The following SORBS2 variants were observed in gnomAD, a reference collection of about 807,000 sequenced individuals.
The protein encoded by SORBS2 is sorbin and SH3 domain-containing protein 2.
A neutral mutation model predicts 97.7 loss-of-function variants in SORBS2; 46 were observed. The observed-to-expected ratio is 0.47, with a 90% CI of 0.37 to 0.60. SORBS2 has a LOEUF of 0.60. Among genes scored for constraint, SORBS2 ranks in the 20% least tolerant of loss-of-function variants. SORBS2 has a pLI of 0.00. For synonymous variants in SORBS2, 476 were observed against 473.4 expected, an observed-to-expected ratio of 1.01 and a Z score of -0.07; for missense variants, 1,316 against 1,282.3, an observed-to-expected ratio of 1.03 and a Z score of -0.40.
Position 185,607,345 on chromosome 4 carries a change from G to A in SORBS2, c.2796+4435C>T. On this transcript the variant is annotated intron_variant, in intron 12 of 14. Transcript: ENST00000418609. The surrounding 1 kb of genome is among the most constrained non-coding windows in gnomAD (Gnocchi z 5.2). ...GGGAGGAGGGGCTGGTTCACTGGAA[G>A]CCAACTTGGAAATGAGCACGGATTA... 1 of 1,286,624 alleles carries A rather than the reference G, an allele frequency of 7.8e-7. No homozygotes were observed. The highest frequency in any genetic ancestry group is 1.0e-6 in the Non-Finnish European group (1 of 986,966). 79.7% of individuals were successfully genotyped at this position (1,286,624 alleles called of 1,614,324 possible).
Position 185,755,433 on chromosome 4 carries a change from A to C in SORBS2, c.-198+19794T>G, listed in dbSNP as rs567706004. Among the ~76,000 whole-genome samples the C allele has an allele frequency of 5.9e-5, 9 of 152,324 alleles. No individual in the cohort carries two copies. In the East Asian group the frequency reaches 1.7e-3, roughly 29 times the overall value. On this transcript the variant is annotated intron_variant, in intron 2 of 20. Coordinates refer to the SORBS2 transcript ENST00000284776. ...GCTCCTTTAAACTATTTGGAGGTAA[A>C]AGACACAAGAAAATAATAGGCACCA...
At chr4:185,591,235 G>T (rs1055052079) in intron 13 of SORBS2, among the ~76,000 whole-genome samples, 2 of 152,122 alleles carry the variant, frequency 1.3e-5, no homozygotes, top group Non-Finnish European at 2.9e-5. Flanking sequence ...TGTTTTCCCT[G>T]GCCTGGCACC....
intron 1 of SORBS2, among the ~76,000 whole-genome samples, chr4:185,823,040 G>C (rs1323037549): frequency 6.6e-6 from 1 of 152,212 alleles, no homozygotes; most frequent in African/African-American, 2.4e-5. Flanking sequence ...TAGCTACTCT[G>C]TGTTTGCCTT....
At chr4:185,876,252 C>T (rs2099233600) in intron 1 of SORBS2, among the ~76,000 whole-genome samples, 1 of 152,116 alleles carries the variant, frequency 6.6e-6, no homozygotes, top group African/African-American at 2.4e-5. Flanking sequence ...GGATTACAGG[C>T]ATGTGCCACC....
chr4:185,632,764 A>G (rs2096929021), intron 4 of SORBS2, among the ~76,000 whole-genome samples: 1 of 152,238 alleles, frequency 6.6e-6, no homozygotes, highest in African/African-American at 2.4e-5. Flanking sequence ...AATAAAACAT[A>G]GTGTAAGAAC....
chr4:185,770,793 C>T (rs2098965597), intron 2 of SORBS2, among the ~76,000 whole-genome samples: 1 of 152,018 alleles, frequency 6.6e-6, no homozygotes, highest in African/African-American at 2.4e-5. Flanking sequence ...TTTTCTCTGA[C>T]AGTCAATTAA....
At chr4:185,608,822 C>T (rs1221544047) in intron 12 of SORBS2, among the ~76,000 whole-genome samples, 1 of 152,032 alleles carries the variant, frequency 6.6e-6, no homozygotes, top group Non-Finnish European at 1.5e-5. Flanking sequence ...AAAACATCTC[C>T]AAAAAGATTC....
chr4:185,949,603 G>T (rs1346527140), intron 1 of SORBS2, among the ~76,000 whole-genome samples: 1 of 152,020 alleles, frequency 6.6e-6, no homozygotes, highest in Non-Finnish European at 1.5e-5. Flanking sequence ...TTTAAGGGAA[G>T]GAATAATGTT....
rs116455912 is a variant in SORBS2 at position 185,897,119 on chromosome 4, G to A, written c.-338+59077C>T. Among the ~76,000 whole-genome samples the A allele has an allele frequency of 2.2e-3, 337 of 152,258 alleles. 1 individual carries two copies. The highest frequency in any genetic ancestry group is 7.7e-3 in the African/African-American group (322 of 41,552). On this transcript the variant is annotated intron_variant, in intron 1 of 20. Transcript: ENST00000284776. ...CCCCTGAGGCCAGATATAGAAACCA[G>A]AATCCCTCTTCCTCCAGGACCGTCA...
chr4:185,839,531 G>C (rs926789258), intron 1 of SORBS2, among the ~76,000 whole-genome samples: 1 of 152,164 alleles, frequency 6.6e-6, no homozygotes, highest in African/African-American at 2.4e-5. Flanking sequence ...CCAAGAACAA[G>C]CCGGAGCACA....
In SORBS2 at chr4:185,610,992, A is replaced by C. The variant is rs576334636; in HGVS notation, c.2796+788T>G. 1.1e-4 allele frequency among the ~76,000 whole-genome samples: 17 copies of C among 152,300 alleles called. No homozygotes were observed. In the South Asian group the frequency reaches 3.5e-3, roughly 32 times the overall value. On this transcript the variant is annotated intron_variant, in intron 12 of 14. Coordinates refer to ENST00000418609, the Ensembl canonical transcript of SORBS2. ...TAAGAAAAAATTTCACATTGTGAGT[A>C]CAGACAAATAGCCTTTTTACATTCA...
chr4:185,897,551 A>G (rs1242387954), intron 1 of SORBS2, among the ~76,000 whole-genome samples: 1 of 152,194 alleles, frequency 6.6e-6, no homozygotes, highest in Non-Finnish European at 1.5e-5. Context: ...TCTTTTCTCA[A>G]ATGAATCTGC....
intron 4 of SORBS2, 107 bp downstream of exon 16, chr4:185,635,248 C>G (rs969374541): frequency 8.4e-5 from 66 of 784,486 alleles, no homozygotes; most frequent in Non-Finnish European, 1.2e-4. Flanking sequence ...GATATTTTTT[C>G]AAAAATAGCT....
chr4:185,797,040 C>T (rs1429399199), intron 1 of SORBS2, among the ~76,000 whole-genome samples: 1 of 152,230 alleles, frequency 6.6e-6, no homozygotes, highest in Non-Finnish European at 1.5e-5. Context: ...TTAGGCCCCA[C>T]CTCACGCACT....
chr4:185,833,674 A>G (rs1223829440), intron 1 of SORBS2, among the ~76,000 whole-genome samples: 1 of 152,206 alleles, frequency 6.6e-6, no homozygotes, highest in Non-Finnish European at 1.5e-5. Flanking sequence ...TATAGTATCA[A>G]ATTCATAGGG....
intron 1 of SORBS2, among the ~76,000 whole-genome samples, chr4:185,876,946 A>C (rs753089033): frequency 1.3e-4 from 20 of 152,260 alleles, no homozygotes; most frequent in Admixed American, 3.9e-4. Flanking sequence ...TTAAAATAAC[A>C]AGATATTCTC....
In SORBS2 at chr4:185,781,552, A is replaced by G. The variant is rs112514927; in HGVS notation, c.-337-6186T>C. 6.6e-3 allele frequency among the ~76,000 whole-genome samples: 798 copies of G among 120,050 alleles called. 6 individuals carry two copies. The highest frequency in any genetic ancestry group is 0.018 in the African/African-American group (645 of 35,516). 78.8% of individuals were successfully genotyped at this position (120,050 alleles called of 152,430 possible). A position where few individuals can be genotyped will look rare whatever the true frequency, so the allele number is the denominator to read the frequency against. ...CTCCAGCCTCCCTTCCATTGCCTCC[A>G]GCCTCTCCAGCCTCCCTTCCATTGC... On this transcript the variant is annotated intron_variant, in intron 1 of 20. Coordinates refer to the SORBS2 transcript ENST00000284776.
intron 1 of SORBS2, among the ~76,000 whole-genome samples, chr4:185,858,119 C>T (rs2149703463): frequency 6.6e-6 from 1 of 152,296 alleles, no homozygotes; most frequent in African/African-American, 2.4e-5. Flanking sequence ...CGATGGCACC[C>T]CTGGAGGCCC....
At chr4:185,792,631 A>G (rs933469024) in intron 1 of SORBS2, among the ~76,000 whole-genome samples, 3 of 152,176 alleles carry the variant, frequency 2.0e-5, no homozygotes, top group African/African-American at 4.8e-5. Context: ...CAGAAAAAAA[A>G]TTGTTGACAT....
Sources: gnomAD v4.1 joint callset for allele counts (sites outside exome capture counted in the v4.1 genomes callset) on GRCh38, gnomAD v4.1.1 for gene constraint, Gnocchi (gnomAD v3.1) non-coding constraint, MANE v1.5 for transcripts, NCBI Gene and HGNC (gene_info 2026-07-23, HGNC 2026-07-21) for gene names.